Variants in ZCCHC10 observed in about 807,000 individuals in gnomAD.
The protein encoded by ZCCHC10 is zinc finger CCHC-type containing 10.
In ZCCHC10, 16 loss-of-function variants were observed where a neutral mutation model predicts 19.5. The observed-to-expected ratio is 0.82, with a 90% CI of 0.56 to 1.25. The LOEUF is 1.25. Ranked by LOEUF, ZCCHC10 falls within the 50% of genes most tolerant of loss-of-function variation. ZCCHC10 has a pLI of 0.00. For missense variants in ZCCHC10, 197 were observed against 201.0 expected (o/e 0.98, Z 0.12); for synonymous variants, 67 against 72.5 (o/e 0.92, Z 0.38).
chr5:133,012,817 G>A (rs576741355), intron 2 of ZCCHC10, among the ~76,000 whole-genome samples: 6 of 152,004 alleles, frequency 3.9e-5, no homozygotes, highest in Non-Finnish European at 5.9e-5. Flanking sequence ...TTGGGAGGCC[G>A]AGGTGGGCGG....
intron 1 of ZCCHC10, among the ~76,000 whole-genome samples, chr5:133,025,596 C>T (rs954185706): frequency 6.6e-6 from 1 of 150,800 alleles, no homozygotes; most frequent in African/African-American, 2.4e-5. Flanking sequence ...CTGCCACTCT[C>T]TCTTGTTCAT....
In ZCCHC10 at chr5:133,002,196, T is replaced by C. The variant is rs997771115; in HGVS notation, c.270-2023A>G. On this transcript the variant is annotated intron_variant, in intron 3 of 4. Coordinates refer to ENST00000509437, the MANE Select transcript of ZCCHC10 (RefSeq NM_001300816.3). ...CAGGATGGTCTCGATCTCCTGATCT[T>C]GTGATCCACCCGCCTCAGCCTCCCA... Among the ~76,000 whole-genome samples, 6 of 151,654 alleles carry C rather than the reference T, an allele frequency of 4.0e-5. No homozygotes were observed. The South Asian group carries it at 8.3e-4, about 21-fold the overall frequency.
intron 3 of ZCCHC10, among the ~76,000 whole-genome samples, chr5:133,005,192 C>T (rs763797940): frequency 6.6e-5 from 10 of 152,036 alleles, no homozygotes; most frequent in East Asian, 1.9e-4. Flanking sequence ...CCAGCTACTC[C>T]GGAGGCTGAG....
intron 2 of ZCCHC10, among the ~76,000 whole-genome samples, chr5:133,017,516 C>A (rs775560860): frequency 6.6e-6 from 1 of 151,964 alleles, no homozygotes; most frequent in Non-Finnish European, 1.5e-5. Context: ...ACCACAGGTG[C>A]GCACCACCAC....
intron 1 of ZCCHC10, among the ~76,000 whole-genome samples, chr5:133,023,771 C>CAAA (rs34071317): frequency 2.8e-4 from 40 of 144,838 alleles, no homozygotes; most frequent in African/African-American, 4.0e-4. Context: ...AACTCCATCT[C>CAAA]AAAAAAAAAA....
At position 133,026,512 on chromosome 5, in the gene ZCCHC10, A is replaced by G; in HGVS notation, c.26T>C (p.Ile9Thr). Residue 9 changes from isoleucine to threonine, a missense_variant, in exon 1 of 5, where the codon ATA (isoleucine) becomes ACA (threonine). Coordinates refer to ENST00000509437, the MANE Select transcript of ZCCHC10 (RefSeq NM_001300816.3). MATPMHRL[I>T]ARRQAFDTEL... ...CCTTACTTACGCTTGTCTCCGGGCT[A>G]TTAGCCGATGCATGGGAGTCGCCAT... 1 of 1,613,716 alleles carries G rather than the reference A, an allele frequency of 6.2e-7. No individual in the cohort carries two copies. The highest frequency in any genetic ancestry group is 1.3e-5 in the African/African-American group (1 of 75,006).
chr5:133,023,030 C>G (rs1354782186), intron 1 of ZCCHC10, 124 bp from the exon 2 acceptor site: 11 of 399,026 alleles, frequency 2.8e-5, no homozygotes, highest in Non-Finnish European at 4.0e-5. Context: ...TTTTAACTGA[C>G]TGAAATCATA....
chr5:133,000,282 G>T, intron 3 of ZCCHC10, 109 bp from the exon 4 acceptor site: 1 of 1,281,754 alleles, frequency 7.8e-7, no homozygotes. Flanking sequence ...GAAAGATTCT[G>T]TGTTTTTATC....
intron 2 of ZCCHC10, among the ~76,000 whole-genome samples, chr5:133,011,172 G>C (rs1362799825): frequency 6.6e-6 from 1 of 151,510 alleles, no homozygotes; most frequent in Non-Finnish European, 1.5e-5. Flanking sequence ...GGCTGGTCTT[G>C]AACTCCTGGG....
chr5:133,020,411 TCCAG>T (rs1764223609), intron 2 of ZCCHC10, among the ~76,000 whole-genome samples: 1 of 151,868 alleles, frequency 6.6e-6, no homozygotes, highest in Non-Finnish European at 1.5e-5. Context: ...GCCACTGTAC[TCCAG>T]CCTGGGCCAC....
intron 2 of ZCCHC10, among the ~76,000 whole-genome samples, chr5:133,021,473 CG>C (rs1162106875): frequency 6.6e-6 from 1 of 152,154 alleles, no homozygotes; most frequent in East Asian, 1.9e-4. Flanking sequence ...TACATAAGCA[CG>C]GATCAGAAAA....
At chr5:133,011,739 A>C (rs149289824) in intron 2 of ZCCHC10, among the ~76,000 whole-genome samples, 240 of 152,176 alleles carry the variant, frequency 1.6e-3, no homozygotes, top group Middle Eastern at 3.4e-3. Context: ...AGTATTATAA[A>C]ATGTCAGTTC....
In ZCCHC10 at chr5:132,998,750, C is replaced by T. The variant is rs752309304; in HGVS notation, c.412G>A (p.Asp138Asn). The change falls in exon 5 of 5, where the codon GAC (aspartate) becomes AAC (asparagine). Residue 138 changes from aspartate to asparagine, a missense_variant. Asp to Asn is a conservative substitution (Grantham distance 23). Transcript: ENST00000509437. ...EETSTSSSSE[D>N]SDTDESSSSS... ...GAGGAGCTTTCATCAGTGTCACTGT[C>T]CTCTGAGGAGGAAGAGGTAGATGTT... is the stretch of plus-strand genomic sequence containing the variant. The T allele has an allele frequency of 1.9e-6, 3 of 1,614,092 alleles. No homozygotes were observed. The highest frequency in any genetic ancestry group is 2.5e-6 in the Non-Finnish European group (3 of 1,180,028).
At chr5:133,011,372 C>T (rs1253097733) in intron 2 of ZCCHC10, 1 of 151,938 alleles carries the variant, frequency 6.6e-6, no homozygotes, top group African/African-American at 2.4e-5. Flanking sequence ...CACCTGTAAT[C>T]CCAACACTTT....
At chr5:133,005,456 T>C (rs1763057225) in intron 3 of ZCCHC10, among the ~76,000 whole-genome samples, 1 of 151,946 alleles carries the variant, frequency 6.6e-6, no homozygotes, top group African/African-American at 2.4e-5. Flanking sequence ...CTACCAAAAA[T>C]ACAAAAAATT....
intron 2 of ZCCHC10, among the ~76,000 whole-genome samples, chr5:133,019,883 C>T (rs1400351163): frequency 6.8e-6 from 1 of 147,324 alleles, no homozygotes; most frequent in African/African-American, 2.5e-5. Flanking sequence ...ATCCCAGAGG[C>T]AGAGGTTGCA....
intron 2 of ZCCHC10, among the ~76,000 whole-genome samples, chr5:133,010,586 A>G (rs1244907952): frequency 6.6e-6 from 1 of 152,150 alleles, no homozygotes; most frequent in African/African-American, 2.4e-5. Context: ...TATATTAGCT[A>G]TAGAGACACC....
chr5:133,002,997 G>A (rs1280314055), intron 3 of ZCCHC10: 1 of 166,264 alleles, frequency 6.0e-6, no homozygotes, highest in African/African-American at 2.4e-5. Flanking sequence ...TGGGATTACA[G>A]GTGTGAGCCA....
chr5:133,017,530 T>C (rs189790455), intron 2 of ZCCHC10, among the ~76,000 whole-genome samples: 1 of 152,014 alleles, frequency 6.6e-6, no homozygotes, highest in East Asian at 1.9e-4. Context: ...CCACCACACA[T>C]GGCTAATATT....
Sources: allele counts gnomAD v4.1 joint callset (sites outside exome capture counted in the v4.1 genomes callset), GRCh38; gene constraint gnomAD v4.1.1; transcripts MANE v1.5; gene names NCBI Gene and HGNC (gene_info 2026-07-23, HGNC 2026-07-21).